The following XKR4 variants were observed in gnomAD, a reference collection of about 807,000 sequenced individuals.
XKR4 encodes the protein XK related 4, also known as XK-related protein 4.
In XKR4, 12 loss-of-function variants were observed where a neutral mutation model predicts 53.9. The observed-to-expected ratio is 0.22, with a 90% confidence interval of 0.14 to 0.36. XKR4 has a LOEUF of 0.36. XKR4 is among the 10% of genes least tolerant of loss of function. The probability of loss-of-function intolerance (pLI) is 1.00; values close to 1 mark genes in which losing one functional copy is unlikely to be tolerated. For synonymous variants in XKR4, 354 were observed against 362.4 expected (o/e 0.98, Z 0.26); for missense variants, 799 against 859.5 (o/e 0.93, Z 0.88).
At chr8:55,279,851 T>G (rs1563314168) in intron 1 of XKR4, among the ~76,000 whole-genome samples, 1 of 152,190 alleles carries the variant, frequency 6.6e-6, no homozygotes, top group Non-Finnish European at 1.5e-5. Flanking sequence ...ATGAGTGCAA[T>G]AGATGTGAAC....
intron 1 of XKR4, among the ~76,000 whole-genome samples, chr8:55,160,007 AGAATGTAGAAAAGAAATGATGTAG>A (rs926976974): frequency 2.6e-5 from 4 of 152,206 alleles, no homozygotes; most frequent in African/African-American, 7.2e-5. Context: ...AGCAAAGAAA[AGAATGTAGAAAAGAAATGATGTAG>A]GAATGTAGAA....
intron 2 of XKR4, among the ~76,000 whole-genome samples, chr8:55,494,839 G>A (rs891128857): frequency 2.0e-5 from 3 of 152,162 alleles, no homozygotes; most frequent in African/African-American, 4.8e-5. Context: ...GGCAGGCCCA[G>A]GGAAAAGCAC....
chr8:55,122,378 G>C (rs533164818), intron 1 of XKR4, among the ~76,000 whole-genome samples: 1 of 152,224 alleles, frequency 6.6e-6, no homozygotes, highest in Non-Finnish European at 1.5e-5. Context: ...ACAAATATCT[G>C]TGAAACTGAA....
intron 2 of XKR4, among the ~76,000 whole-genome samples, chr8:55,377,527 A>G (rs1804168146): frequency 6.6e-6 from 1 of 152,242 alleles, no homozygotes. Flanking sequence ...TGAGTGAGGA[A>G]TACCTCACTG....
intron 2 of XKR4, among the ~76,000 whole-genome samples, chr8:55,494,581 T>C: frequency 6.6e-6 from 1 of 152,100 alleles, no homozygotes; most frequent in East Asian, 1.9e-4. Context: ...CCAAAGTGGG[T>C]AGCTCCTCTC....
chr8:55,250,375 A>T (rs1447711727), intron 1 of XKR4, among the ~76,000 whole-genome samples: 1 of 152,224 alleles, frequency 6.6e-6, no homozygotes, highest in Non-Finnish European at 1.5e-5. Context: ...AGAAATATCT[A>T]AAAAAGCAGG....
chr8:55,341,191 G>A (rs1416572816), intron 1 of XKR4, among the ~76,000 whole-genome samples: 3 of 152,206 alleles, frequency 2.0e-5, no homozygotes, highest in Non-Finnish European at 4.4e-5. Context: ...GGAACACACA[G>A]AGAAACTAGT....
At chr8:55,311,939 C>A (rs139046137) in intron 1 of XKR4, among the ~76,000 whole-genome samples, 4 of 151,980 alleles carry the variant, frequency 2.6e-5, no homozygotes, top group African/African-American at 9.6e-5. Context: ...CCTTGGTCTG[C>A]AGTCCAGAGT....
At chr8:55,506,760 G>A (rs1806530955) in intron 2 of XKR4, among the ~76,000 whole-genome samples, 1 of 152,270 alleles carries the variant, frequency 6.6e-6, no homozygotes, top group South Asian at 2.1e-4. Flanking sequence ...CTGTGTATAC[G>A]AGTTGGTTTA....
intron 2 of XKR4, among the ~76,000 whole-genome samples, chr8:55,392,230 C>T (rs943067552): frequency 1.3e-5 from 2 of 152,122 alleles, no homozygotes; most frequent in South Asian, 4.1e-4. Flanking sequence ...CAAATGCAGG[C>T]ATCACTCACT....
intron 2 of XKR4, among the ~76,000 whole-genome samples, chr8:55,432,006 A>G (rs552850447): frequency 1.3e-5 from 2 of 152,286 alleles, no homozygotes; most frequent in African/African-American, 4.8e-5. Flanking sequence ...GGAAAAGCAA[A>G]CCCATTGATA....
chr8:55,415,103 A>T (rs904426093), intron 2 of XKR4, among the ~76,000 whole-genome samples: 2 of 152,244 alleles, frequency 1.3e-5, no homozygotes, highest in Non-Finnish European at 2.9e-5. Context: ...ATCACTAACA[A>T]TAGTCTGTGA....
intron 2 of XKR4, among the ~76,000 whole-genome samples, chr8:55,432,248 C>T (rs1348334823): frequency 6.6e-6 from 1 of 152,096 alleles, no homozygotes; most frequent in South Asian, 2.1e-4. Flanking sequence ...CTGGCTCCAC[C>T]GTTTACTAGC....
intron 2 of XKR4, among the ~76,000 whole-genome samples, chr8:55,426,382 C>G (rs993633022): frequency 3.3e-5 from 5 of 152,136 alleles, no homozygotes; most frequent in African/African-American, 1.2e-4. Flanking sequence ...CGCTCTCTCT[C>G]TCTCTCTGTC....
chr8:55,450,614 A>G, intron 2 of XKR4: 1 of 703,906 alleles, frequency 1.4e-6, no homozygotes, highest in Non-Finnish European at 2.6e-6. Context: ...GGGGAACTGC[A>G]GGTGGAGCTG....
intron 1 of XKR4, among the ~76,000 whole-genome samples, chr8:55,266,073 G>T (rs1357976856): frequency 6.6e-6 from 1 of 151,974 alleles, no homozygotes; most frequent in Non-Finnish European, 1.5e-5. Flanking sequence ...TGGGAGGATT[G>T]CTTGAGCCTG....
intron 1 of XKR4, among the ~76,000 whole-genome samples, chr8:55,321,932 C>T (rs1040424839): frequency 7.2e-5 from 11 of 152,038 alleles, no homozygotes; most frequent in Admixed American, 7.2e-4. Context: ...GAGGTTGCAG[C>T]GAGCCGAGAT....
intron 1 of XKR4, among the ~76,000 whole-genome samples, chr8:55,215,892 A>C (rs1208355666): frequency 6.6e-6 from 1 of 152,200 alleles, no homozygotes; most frequent in East Asian, 1.9e-4. Flanking sequence ...ATGCAAGAAC[A>C]CAAAATAAAT....
chr8:55,432,330 G>A (rs1563348510), intron 2 of XKR4, among the ~76,000 whole-genome samples: 1 of 152,166 alleles, frequency 6.6e-6, no homozygotes, highest in South Asian at 2.1e-4. Flanking sequence ...GGCAATTGTA[G>A]CACTTACCTC....
Sources: allele counts gnomAD v4.1 joint callset (sites outside exome capture counted in the v4.1 genomes callset), GRCh38; gene constraint gnomAD v4.1.1; transcripts MANE v1.5; gene names NCBI Gene and HGNC (gene_info 2026-07-23, HGNC 2026-07-21).